Variants in PTGER4 observed in about 807,000 individuals in gnomAD.
The protein encoded by PTGER4 is prostaglandin E receptor 4, also known as prostaglandin E2 receptor EP4 subtype.
Under a neutral mutation model 33.2 loss-of-function variants are expected in PTGER4, and 11 were observed. That is an observed-to-expected ratio of 0.33 (90% CI 0.21 to 0.55). The LOEUF (loss-of-function observed/expected upper bound fraction) is 0.55, where lower values mean the gene tolerates loss of function less well. Ranked by LOEUF, PTGER4 falls within the 20% of genes least tolerant of loss-of-function variation. PTGER4 has a pLI of 0.92. For missense variants in PTGER4, 481 were observed against 650.2 expected, an observed-to-expected ratio of 0.74 and a Z score of 2.83; for synonymous variants, 275 against 281.5, an observed-to-expected ratio of 0.98 and a Z score of 0.23.
the PTGER4 span, among the ~76,000 whole-genome samples, chr5:40,728,721 C>T: frequency 1.9e-4 from 29 of 152,080 alleles, no homozygotes; most frequent in Non-Finnish European, 1.2e-4. Context: ...CTGGTCAAAA[C>T]CAAGTGGTCA....
chr5:40,695,917 C>T (rs148384190), downstream of PTGER4, among the ~76,000 whole-genome samples: 856 of 152,188 alleles, frequency 5.6e-3, 9 homozygotes, highest in African/African-American at 0.02. Flanking sequence ...ATGCTGGGGA[C>T]TCCAAAAGTG....
At chr5:40,719,767 G>T in the PTGER4 span, among the ~76,000 whole-genome samples, 1 of 152,150 alleles carries the variant, frequency 6.6e-6, no homozygotes, top group African/African-American at 2.4e-5. Context: ...ATGTGGTTTT[G>T]ATTTTCATTT....
chr5:40,681,432 A>G lies in PTGER4; in HGVS notation c.439A>G (p.Asn147Asp). 1 of 1,613,688 alleles carries G rather than the reference A, an allele frequency of 6.2e-7. No individual in the cohort carries two copies. The highest frequency in any genetic ancestry group is 1.3e-5 in the African/African-American group (1 of 74,972). ...GLTLFAVYAS[N>D]VLFCALPNMG... ...CACGCTCTTTGCAGTCTATGCGTCCAACGTGCTCTTTTGCGCGCTGCCCAA... is the reference window on the plus strand; with the variant it reads ...CACGCTCTTTGCAGTCTATGCGTCCGACGTGCTCTTTTGCGCGCTGCCCAA... Residue 147 changes from asparagine to aspartate, a missense_variant, in exon 2 of 3, where the codon AAC (asparagine) becomes GAC (aspartate). Coordinates refer to ENST00000302472, the MANE Select transcript of PTGER4 (RefSeq NM_000958.3). The surrounding 1 kb of genome is among the most constrained non-coding windows in gnomAD (Gnocchi z 9.8).
At chr5:40,700,543 G>A in the PTGER4 span, among the ~76,000 whole-genome samples, 1 of 152,204 alleles carries the variant, frequency 6.6e-6, no homozygotes, top group African/African-American at 2.4e-5. Flanking sequence ...ACCAGACAGG[G>A]AACCCCTGGC....
the PTGER4 span, among the ~76,000 whole-genome samples, chr5:40,727,772 C>T: frequency 1.3e-5 from 2 of 151,890 alleles, no homozygotes; most frequent in African/African-American, 4.8e-5. Context: ...TTACCAAATG[C>T]CAATGTTTTA....
the PTGER4 span, among the ~76,000 whole-genome samples, chr5:40,738,073 T>C: frequency 2.0e-5 from 3 of 152,160 alleles, no homozygotes; most frequent in African/African-American, 7.2e-5. Context: ...AATTAGTATC[T>C]AGGAATAAAA....
rs1741254468 is a variant in PTGER4 at position 40,683,763 on chromosome 5, G to A, written c.867+1903G>A. 6.6e-6 allele frequency among the ~76,000 whole-genome samples: 1 copy of A among 152,180 alleles called. No homozygotes were observed. The highest frequency in any genetic ancestry group is 6.5e-5 in the Admixed American group (1 of 15,282). On this transcript the variant is annotated intron_variant, in intron 2 of 2. Transcript: ENST00000302472. This position sits in a 1 kb window ranked among gnomAD's most constrained non-coding sequence, Gnocchi z 4.2. ...GCTGAAGTGGTAGACCTGGACCTAA[G>A]ATTCAGGGCCCTTACACAAAGCCTT...
At chr5:40,719,704 A>C in the PTGER4 span, among the ~76,000 whole-genome samples, 2 of 152,192 alleles carry the variant, frequency 1.3e-5, no homozygotes, top group Non-Finnish European at 2.9e-5. Flanking sequence ...ACCCTCACCA[A>C]CACTTCATAT....
Position 40,692,250 on chromosome 5 carries a change from G to T in PTGER4, c.1339G>T (p.Asp447Tyr), listed in dbSNP as rs200464303. The change falls in exon 3 of 3, where the codon GAC (aspartate) becomes TAC (tyrosine). Residue 447 changes from aspartate (D) to tyrosine (Y), a missense_variant. Transcript: ENST00000302472. Reference sequence around the variant, plus strand: ...GACCTCAGACTCTTCACAGGGTCAGGACTCAGAGAGTGTCTTACTGGTGGA... The same window carrying T: ...GACCTCAGACTCTTCACAGGGTCAGTACTCAGAGAGTGTCTTACTGGTGGA... ...SETSDSSQGQ[D>Y]SESVLLVDEA... The T allele has an allele frequency of 1.7e-5, 27 of 1,614,110 alleles. No individual in the cohort carries two copies. The highest frequency in any genetic ancestry group is 1.7e-5 in the Admixed American group (1 of 60,008).
chr5:40,681,203 G>A lies in PTGER4; in HGVS notation c.210G>A (p.Leu70=), dbSNP rs1197689034. 1.2e-6 allele frequency: 2 copies of A among 1,614,142 alleles called. No homozygotes were observed. The highest frequency in any genetic ancestry group is 1.7e-5 in the Admixed American group (1 of 60,024). ...GLAVTDLLGT[L]LVSPVTIATY... ...CTGTCACCGACCTGTTGGGCACTTT[G>A]TTGGTGAGCCCGGTGACCATCGCCA... Residue 70 remains leucine, a synonymous_variant, in exon 2 of 3, where the codon TTG becomes TTA. Coordinates refer to ENST00000302472, the MANE Select transcript of PTGER4 (RefSeq NM_000958.3). This position sits in a 1 kb window ranked among gnomAD's most constrained non-coding sequence, Gnocchi z 9.8.
chr5:40,680,124 C>T lies in PTGER4; in HGVS notation c.-398C>T, dbSNP rs1430041726. 2 of 152,402 alleles carry T rather than the reference C, an allele frequency of 1.3e-5. No individual in the cohort carries two copies. The highest frequency in any genetic ancestry group is 4.8e-5 in the African/African-American group (2 of 41,450). 9.4% of individuals were successfully genotyped at this position (152,402 alleles called of 1,614,324 possible). On this transcript the variant is annotated 5_prime_UTR_variant, in exon 1 of 3. Coordinates refer to ENST00000302472, the MANE Select transcript of PTGER4 (RefSeq NM_000958.3). This position sits in a 1 kb window ranked among gnomAD's most constrained non-coding sequence, Gnocchi z 5.5. ...GCCAGAGCTGGGGACCAAGGCTCCG[C>T]GCCACCTGCGCGCACAGCCTCACAC...
the PTGER4 span, among the ~76,000 whole-genome samples, chr5:40,744,322 T>C: frequency 1.3e-5 from 2 of 152,198 alleles, no homozygotes; most frequent in Admixed American, 6.5e-5. Context: ...TTTGAGATGC[T>C]AGTATTTCAT....
the PTGER4 span, chr5:40,714,780 T>G: frequency 6.6e-6 from 1 of 152,208 alleles, no homozygotes; most frequent in South Asian, 2.1e-4. Context: ...AAAAACCATC[T>G]TCATAAAAAA....
chr5:40,725,005 C>G, the PTGER4 span, among the ~76,000 whole-genome samples: 4 of 151,922 alleles, frequency 2.6e-5, no homozygotes, highest in African/African-American at 9.7e-5. Context: ...CACCACCATG[C>G]CTGGCTAATT....
chr5:40,722,658 G>A, the PTGER4 span, among the ~76,000 whole-genome samples: 1 of 149,638 alleles, frequency 6.7e-6, no homozygotes, highest in African/African-American at 2.5e-5. Context: ...AGTGAGGCGT[G>A]TCTCCGCCCC....
chr5:40,718,175 G>T, the PTGER4 span, among the ~76,000 whole-genome samples: 2 of 152,054 alleles, frequency 1.3e-5, no homozygotes, highest in Non-Finnish European at 1.5e-5. Context: ...CCAACTCTTT[G>T]GGAGGCCGAG....
chr5:40,717,993 C>A, the PTGER4 span, among the ~76,000 whole-genome samples: 1 of 151,412 alleles, frequency 6.6e-6, no homozygotes, highest in Non-Finnish European at 1.5e-5. Flanking sequence ...ACTCGGGAGG[C>A]GGAGGTTGCA....
intron 2 of PTGER4, among the ~76,000 whole-genome samples, chr5:40,690,873 C>T (rs1005782986): frequency 6.6e-6 from 1 of 152,156 alleles, no homozygotes; most frequent in Non-Finnish European, 1.5e-5. Flanking sequence ...TTCTCAAGAA[C>T]ACTTTATACA....
At chr5:40,738,756 A>G in the PTGER4 span, among the ~76,000 whole-genome samples, 2 of 152,098 alleles carry the variant, frequency 1.3e-5, no homozygotes, top group Non-Finnish European at 2.9e-5. Flanking sequence ...ACTAGGTAAT[A>G]GTATCTCATT....
Sources: allele counts gnomAD v4.1 joint callset (sites outside exome capture counted in the v4.1 genomes callset), GRCh38; gene constraint gnomAD v4.1.1; non-coding constraint Gnocchi (gnomAD v3.1); transcripts MANE v1.5; gene names NCBI Gene and HGNC (gene_info 2026-07-23, HGNC 2026-07-21).